Variants in DRC3 observed in about 807,000 individuals in gnomAD.
DRC3 encodes the protein leucine rich repeat containing 48.
Under a neutral mutation model 57.6 loss-of-function variants are expected in DRC3, and 45 were observed. The observed-to-expected ratio is 0.78, with a 90% CI of 0.62 to 1.00. The LOEUF (loss-of-function observed/expected upper bound fraction) is 1.00. Among genes scored for constraint, DRC3 ranks in the 50% least tolerant of loss-of-function variants. DRC3 has a pLI of 0.00. For missense variants in DRC3, 655 were observed against 675.2 expected, an observed-to-expected ratio of 0.97 and a Z score of 0.33; for synonymous variants, 257 against 272.3, an observed-to-expected ratio of 0.94 and a Z score of 0.55.
chr17:17,976,681 ATAAAT>A (rs1291659800), intron 2 of DRC3, among the ~76,000 whole-genome samples: 2 of 152,228 alleles, frequency 1.3e-5, no homozygotes, highest in Non-Finnish European at 2.9e-5. Context: ...CTCAAAAAAA[ATAAAT>A]TAATTAAATT....
At chr17:17,982,670 G>C (rs531761463) in intron 3 of DRC3, among the ~76,000 whole-genome samples, 12 of 148,862 alleles carry the variant, frequency 8.1e-5, no homozygotes, top group African/African-American at 2.7e-4. Flanking sequence ...TGCCTCCCTG[G>C]TTCAAGCGAT....
At chr17:17,992,627 A>T in intron 5 of DRC3, 138 bp from the exon 6 acceptor site, 1 of 897,238 alleles carries the variant, frequency 1.1e-6, no homozygotes, top group Non-Finnish European at 1.7e-6. Flanking sequence ...ACGCCTGCAC[A>T]CTGCCTGTCA....
chr17:18,009,041 T>C (rs1376066791), intron 12 of DRC3, among the ~76,000 whole-genome samples: 1 of 152,074 alleles, frequency 6.6e-6, no homozygotes, highest in Non-Finnish European at 1.5e-5. Context: ...CCTGCAGTTA[T>C]AGGAAGAGAC....
intron 8 of DRC3, among the ~76,000 whole-genome samples, 164 bp from the exon 9 acceptor site, chr17:17,997,294 CTT>C (rs2043499136): frequency 6.6e-6 from 1 of 152,160 alleles, no homozygotes; most frequent in African/African-American, 2.4e-5. Flanking sequence ...CTCTCTGGGC[CTT>C]TGATTTCTTC....
At chr17:18,006,922 G>T in intron 11 of DRC3, 102 bp from the exon 12 acceptor site, 1 of 1,523,876 alleles carries the variant, frequency 6.6e-7, no homozygotes, top group Non-Finnish European at 8.8e-7. Context: ...CAGAATTTCC[G>T]AGCTCGCCTT....
At chr17:17,975,287 C>T (rs1597516260) in intron 2 of DRC3, among the ~76,000 whole-genome samples, 1 of 151,274 alleles carries the variant, frequency 6.6e-6, no homozygotes. Context: ...TCTCGGCTCA[C>T]TGCAACCTCC....
At chr17:18,004,814 C>G (rs931156515) in intron 10 of DRC3, 4 of 269,556 alleles carry the variant, frequency 1.5e-5, no homozygotes, top group Admixed American at 4.9e-5. Context: ...CGCACCCCCA[C>G]TTGGGGACCA....
rs755842777 is a variant in DRC3, at chr17:17,994,997, A to C, written c.712-2A>C. The C allele has an allele frequency of 3.1e-6, 5 of 1,613,206 alleles. No individual in the cohort carries two copies. Among genetic ancestry groups the C allele is most frequent in the Non-Finnish European group, 4.2e-6 (5 of 1,179,180 alleles). On this transcript the variant is annotated splice_acceptor_variant, in intron 7 of 13. Coordinates refer to ENST00000399187, the MANE Select transcript of DRC3 (RefSeq NM_031294.4). LOFTEE classifies it high-confidence loss of function. ...CCTACCTACGTGTGTTTCTGCCTGC[A>C]GACTGCGTTTGTGGAACACCTGAAT...
chr17:17,988,973 C>T (rs2043095981), intron 5 of DRC3, among the ~76,000 whole-genome samples: 1 of 152,176 alleles, frequency 6.6e-6, no homozygotes, highest in African/African-American at 2.4e-5. Flanking sequence ...AGATGATGGC[C>T]ATGACCCTGC....
chr17:17,988,637 G>C (rs1288218944), intron 5 of DRC3: 1 of 153,196 alleles, frequency 6.5e-6, no homozygotes, highest in African/African-American at 2.4e-5. Flanking sequence ...GTCGTCCTGT[G>C]TCAGAGGCGA....
intron 5 of DRC3, among the ~76,000 whole-genome samples, chr17:17,990,552 C>T (rs2145309166): frequency 6.6e-6 from 1 of 152,368 alleles, no homozygotes; most frequent in Middle Eastern, 3.4e-3. Context: ...GCGGCTGGCT[C>T]CCTCAGGTCT....
Position 17,994,409 on chromosome 17 carries a change from G to C in DRC3, c.702G>C (p.Glu234Asp). The C allele has an allele frequency of 6.4e-7, 1 of 1,552,434 alleles. No homozygotes were observed. The highest frequency in any genetic ancestry group is 8.7e-7 in the Non-Finnish European group (1 of 1,147,662). ...EDEQAQREEL[E>D]KHKTAFVEHL... ...AGCAGGCGCAGCGGGAGGAGCTAGA[G>C]AAGCACAAGGTACCGTTCCGGCAGG... is the stretch of plus-strand genomic sequence containing the variant. The change falls in exon 7 of 14, where the codon GAG (glutamate) becomes GAC (aspartate). Residue 234 changes from glutamate to aspartate, a missense_variant. Transcript: ENST00000399187.
At chr17:17,992,130 C>A (rs1341518026) in intron 5 of DRC3, among the ~76,000 whole-genome samples, 1 of 152,068 alleles carries the variant, frequency 6.6e-6, no homozygotes, top group Non-Finnish European at 1.5e-5. Flanking sequence ...CAAAAATTAG[C>A]CAGGTGTGGT....
chr17:18,004,805 G>A lies in DRC3; in HGVS notation c.1131+311G>A, dbSNP rs545794524. On this transcript the variant is annotated intron_variant, in intron 10 of 13. Coordinates refer to ENST00000399187, the MANE Select transcript of DRC3 (RefSeq NM_031294.4). ...TATCCGGGTACTCTAAAGGCAAAGC[G>A]CACCCCCACTTGGGGACCAAACAAA... 7.1e-5 allele frequency: 20 copies of A among 282,818 alleles called. No individual in the cohort carries two copies. The East Asian group carries it at 1.2e-3, about 17-fold the overall frequency. The allele number at this position is 282,818 out of a possible 1,614,324, so 17.5% of individuals were successfully genotyped here. A position where few individuals can be genotyped will look rare whatever the true frequency, so the allele number is the denominator to read the frequency against.
chr17:17,989,135 C>G (rs2043105132), intron 5 of DRC3, among the ~76,000 whole-genome samples: 1 of 152,170 alleles, frequency 6.6e-6, no homozygotes, highest in Admixed American at 6.5e-5. Context: ...TGCAGACTCA[C>G]TGAGAGATAA....
chr17:17,987,880 G>A, intron 4 of DRC3, 52 bp from the exon 5 acceptor site: 1 of 1,588,030 alleles, frequency 6.3e-7, no homozygotes, highest in East Asian at 2.2e-5. Flanking sequence ...TTTCAGGACA[G>A]CCCATCCCCT....
intron 10 of DRC3, 163 bp from the exon 11 acceptor site, chr17:18,006,020 G>A: frequency 1.6e-6 from 1 of 627,354 alleles, no homozygotes; most frequent in Non-Finnish European, 2.9e-6. Context: ...AGAGAGAGCA[G>A]AGGGGTCAGT....
intron 4 of DRC3, among the ~76,000 whole-genome samples, 167 bp from the exon 5 acceptor site, chr17:17,987,765 C>T (rs1335599821): frequency 6.6e-6 from 1 of 152,206 alleles, no homozygotes; most frequent in Admixed American, 6.5e-5. Flanking sequence ...AAATAATTCA[C>T]ACCTGGCTTC....
At chr17:17,997,367 G>A (rs899957008) in intron 8 of DRC3, 93 bp from the exon 9 acceptor site, 4 of 1,210,554 alleles carry the variant, frequency 3.3e-6, no homozygotes, top group Non-Finnish European at 4.7e-6. Context: ...TGAGCGCACA[G>A]TCTGTGCACT....
Sources: allele counts gnomAD v4.1 joint callset (sites outside exome capture counted in the v4.1 genomes callset), GRCh38; gene constraint gnomAD v4.1.1; transcripts MANE v1.5; gene names NCBI Gene and HGNC (gene_info 2026-07-23, HGNC 2026-07-21).